COL13A1: variants seen among roughly 807,000 people sequenced by gnomAD.
COL13A1 encodes collagen alpha-1(XIII) chain.
COL13A1 carries 89 observed loss-of-function variants against 130.9 expected under a neutral mutation model. The observed-to-expected ratio is 0.68, with a 90% confidence interval of 0.57 to 0.81. The LOEUF is 0.81. COL13A1 is among the 30% of genes least tolerant of loss of function. The pLI is 0.00. For synonymous variants in COL13A1, 402 were observed against 341.6 expected (o/e 1.18, Z -1.95); for missense variants, 879 against 934.6 (o/e 0.94, Z 0.78).
At chr10:69,957,313 T>C (rs917272506) in intron 40 of COL13A1, among the ~76,000 whole-genome samples, 6 of 152,336 alleles carry the variant, frequency 3.9e-5, no homozygotes, top group South Asian at 2.1e-4. Context: ...TCAATGTACA[T>C]AGTGTCTTTC....
intron 35 of COL13A1, among the ~76,000 whole-genome samples, chr10:69,943,889 CA>C (rs1181233520): frequency 5.3e-5 from 8 of 152,222 alleles, no homozygotes; most frequent in Non-Finnish European, 1.0e-4. Context: ...GGTTGTGAAG[CA>C]AAAGGGTTTC....
intron 2 of COL13A1, chr10:69,860,688 C>T (rs1325610713): frequency 3.8e-6 from 1 of 266,300 alleles, no homozygotes; most frequent in Non-Finnish European, 7.6e-6. Context: ...GAACCTGCAG[C>T]CAGGTCCCCC....
intron 14 of COL13A1, among the ~76,000 whole-genome samples, chr10:69,901,482 A>G (rs1228021515): frequency 6.6e-6 from 1 of 152,200 alleles, no homozygotes; most frequent in Admixed American, 6.5e-5. Context: ...CGCATGGGGA[A>G]GCAGGAGACC....
At chr10:69,860,428 G>A (rs4746923) in intron 2 of COL13A1, among the ~76,000 whole-genome samples, 98,954 of 152,072 alleles carry the variant, frequency 0.65, 33,263 homozygotes, top group East Asian at 0.96. Context: ...GCACTGAGCC[G>A]TGCTTCCAAG....
intron 10 of COL13A1, among the ~76,000 whole-genome samples, chr10:69,890,896 G>A (rs2061107448): frequency 6.6e-6 from 1 of 152,256 alleles, no homozygotes; most frequent in African/African-American, 2.4e-5. Context: ...TAACTTGCCT[G>A]AAGTCACACA....
intron 17 of COL13A1, among the ~76,000 whole-genome samples, chr10:69,911,078 G>A (rs961140037): frequency 1.2e-4 from 19 of 152,316 alleles, no homozygotes; most frequent in Admixed American, 5.9e-4. Context: ...GAATGCCCTG[G>A]GGAGGAGAGT....
chr10:69,872,793 A>C (rs1028275122), intron 4 of COL13A1, among the ~76,000 whole-genome samples: 5 of 152,222 alleles, frequency 3.3e-5, no homozygotes, highest in African/African-American at 9.6e-5. Flanking sequence ...TCAATACCTC[A>C]GTGAAATGGG....
At chr10:69,915,116 C>T (rs1396736923) in intron 17 of COL13A1, among the ~76,000 whole-genome samples, 1 of 152,252 alleles carries the variant, frequency 6.6e-6, no homozygotes, top group African/African-American at 2.4e-5. Context: ...ATGACCTTGG[C>T]AATCATACCT....
intron 17 of COL13A1, among the ~76,000 whole-genome samples, chr10:69,913,725 C>T (rs2063623856): frequency 1.3e-5 from 2 of 152,122 alleles, no homozygotes. Flanking sequence ...AGAAGCCATT[C>T]CCCAGTTCAG....
intron 34 of COL13A1, among the ~76,000 whole-genome samples, chr10:69,939,470 C>A (rs2067343965): frequency 6.6e-6 from 1 of 152,252 alleles, no homozygotes; most frequent in South Asian, 2.1e-4. Flanking sequence ...CTCCAGACCT[C>A]TCAAGACAAC....
intron 2 of COL13A1, among the ~76,000 whole-genome samples, chr10:69,860,329 T>C (rs1857627220): frequency 6.6e-6 from 1 of 152,222 alleles, no homozygotes; most frequent in Non-Finnish European, 1.5e-5. Flanking sequence ...CAGCCATGCA[T>C]AGCTGGTGTT....
intron 7 of COL13A1, among the ~76,000 whole-genome samples, chr10:69,887,237 C>T (rs2060679433): frequency 6.6e-6 from 1 of 152,184 alleles, no homozygotes; most frequent in South Asian, 2.1e-4. Context: ...TGGCCCCTTC[C>T]TGTTCCTTTC....
At chr10:69,940,842 T>A in intron 34 of COL13A1, 146 bp from the exon 35 acceptor site, 1 of 1,117,022 alleles carries the variant, frequency 9.0e-7, no homozygotes, top group Non-Finnish European at 1.3e-6. Context: ...CCTCCCAAGC[T>A]TATTTCTCCA....
intron 26 of COL13A1, among the ~76,000 whole-genome samples, chr10:69,926,638 G>A (rs1400630036): frequency 6.6e-6 from 1 of 152,178 alleles, no homozygotes; most frequent in East Asian, 1.9e-4. Flanking sequence ...TATTTTTTGA[G>A]TGGTTCCATA....
At chr10:69,810,347 TGAGAGAGAGAGAGA>T (rs55816117) in intron 1 of COL13A1, among the ~76,000 whole-genome samples, 7 of 119,746 alleles carry the variant, frequency 5.8e-5, no homozygotes, top group South Asian at 5.4e-4. Context: ...GCCCTGAGAA[TGAGAGAGAGAGAGA>T]GAGAGAGAGA....
At chr10:69,875,658 C>T (rs1200727141) in intron 5 of COL13A1, among the ~76,000 whole-genome samples, 1 of 152,188 alleles carries the variant, frequency 6.6e-6, no homozygotes, top group East Asian at 1.9e-4. Flanking sequence ...CAAGTCCTCA[C>T]GAGGAGGCTG....
At chr10:69,868,298 A>G (rs912555601) in intron 3 of COL13A1, among the ~76,000 whole-genome samples, 2 of 151,094 alleles carry the variant, frequency 1.3e-5, no homozygotes, top group Non-Finnish European at 2.9e-5. Context: ...CACTTTGGGC[A>G]GGTGGTGGTG....
intron 2 of COL13A1, among the ~76,000 whole-genome samples, chr10:69,845,717 A>G (rs1213948875): frequency 6.6e-6 from 1 of 151,140 alleles, no homozygotes; most frequent in East Asian, 1.9e-4. Context: ...GGAAAAAGAC[A>G]TTTCACCCTT....
At chr10:69,860,260 C>A (rs2133810179) in intron 2 of COL13A1, among the ~76,000 whole-genome samples, 1 of 152,258 alleles carries the variant, frequency 6.6e-6, no homozygotes, top group East Asian at 1.9e-4. Context: ...GTCTCCTGAG[C>A]TAGAAAAGAA....
Sources: gnomAD v4.1 joint callset for allele counts (sites outside exome capture counted in the v4.1 genomes callset) on GRCh38, gnomAD v4.1.1 for gene constraint, MANE v1.5 for transcripts, NCBI Gene and HGNC (gene_info 2026-07-23, HGNC 2026-07-21) for gene names.